The following ANKRD28 variants were observed in gnomAD, a reference collection of about 807,000 sequenced individuals.
ANKRD28 encodes ankyrin repeat domain 28, also known as serine/threonine-protein phosphatase 6 regulatory ankyrin repeat subunit A.
A neutral mutation model predicts 126.5 loss-of-function variants in ANKRD28; 44 were observed. The observed-to-expected ratio is 0.35, with a 90% CI of 0.27 to 0.45. The LOEUF (loss-of-function observed/expected upper bound fraction) is 0.45. ANKRD28 is among the 20% of genes least tolerant of loss of function. The pLI is 1.00. For synonymous variants in ANKRD28, 442 were observed against 468.5 expected (o/e 0.94, Z 0.73); for missense variants, 1,110 against 1,316.6 (o/e 0.84, Z 2.43).
chr3:15,821,955 C>T (rs1478097484), intron 1 of ANKRD28, among the ~76,000 whole-genome samples: 2 of 152,166 alleles, frequency 1.3e-5, no homozygotes, highest in Admixed American at 6.5e-5. Flanking sequence ...GCATATCTCT[C>T]TCATCTGTGT....
chr3:15,818,451 CT>C (rs2060878635), intron 1 of ANKRD28, among the ~76,000 whole-genome samples: 1 of 152,156 alleles, frequency 6.6e-6, no homozygotes, highest in East Asian at 1.9e-4. Context: ...CGTGTTTAGA[CT>C]TGGGTCCCAT....
Position 15,675,102 on chromosome 3 carries a change from T to G in ANKRD28, c.2965+796A>C, listed in dbSNP as rs1483516512. ...CTGGCCAATATGGTGAAACTCCGTC[T>G]CTACTAAAAATACAAAATTTAGCCA... is the stretch of plus-strand genomic sequence containing the variant. On this transcript the variant is annotated intron_variant, in intron 27 of 27. Coordinates refer to ENST00000683139, the MANE Select transcript of ANKRD28 (RefSeq NM_001349278.2). Among the ~76,000 whole-genome samples, 4 of 152,268 alleles carry G rather than the reference T, an allele frequency of 2.6e-5. No homozygotes were observed. In the East Asian group the frequency reaches 7.7e-4, roughly 29 times the overall value.
intron 2 of ANKRD28, among the ~76,000 whole-genome samples, chr3:15,770,401 T>A (rs1559502740): frequency 7.3e-6 from 1 of 136,918 alleles, no homozygotes; most frequent in African/African-American, 3.1e-5. Context: ...ATGTATTGAA[T>A]ACATATATAT....
chr3:15,832,787 ATTC>A (rs1488871023), intron 1 of ANKRD28, among the ~76,000 whole-genome samples: 1 of 152,188 alleles, frequency 6.6e-6, no homozygotes, highest in African/African-American at 2.4e-5. Flanking sequence ...ACATGATTTC[ATTC>A]TTTATACATA....
intron 14 of ANKRD28, among the ~76,000 whole-genome samples, chr3:15,701,974 A>G (rs2070698163): frequency 6.6e-6 from 1 of 152,168 alleles, no homozygotes; most frequent in African/African-American, 2.4e-5. Context: ...TCTAGATGTT[A>G]GTGATAAAAC....
In ANKRD28 at chr3:15,708,019, C is replaced by G. The variant is rs1559377431; in HGVS notation, c.1452G>C (p.Leu484=). The change falls in exon 14 of 28, where the codon CTG becomes CTC. Residue 484 remains leucine, a synonymous_variant. Coordinates refer to ENST00000683139, the MANE Select transcript of ANKRD28 (RefSeq NM_001349278.2). The part of the protein sequence containing the change: ...YAAANCNYQC[L]FALVGSGASV... ...TTGCTCCTGATCCCACAAGAGCAAA[C>G]AGGCACTGGTAATTGCAGTTGGCAG... 6.2e-7 allele frequency: 1 copy of G among 1,610,738 alleles called. No homozygotes were observed. Among genetic ancestry groups the G allele is most frequent in the South Asian group, 1.1e-5 (1 of 90,294 alleles).
At chr3:15,859,500 C>T in exon 1 of ANKRD28, 1 of 1,217,908 alleles carries the variant, frequency 8.2e-7, no homozygotes, top group Non-Finnish European at 1.1e-6. Flanking sequence ...TAGCCTTGGC[C>T]GCTGCCCGGG....
Position 15,721,046 on chromosome 3 carries a change from T to A in ANKRD28, c.865A>T (p.Ile289Leu), listed in dbSNP as rs763761780. The A allele has an allele frequency of 1.9e-6, 3 of 1,613,902 alleles. No individual in the cohort carries two copies. Among genetic ancestry groups the A allele is most frequent in the Non-Finnish European group, 2.5e-6 (3 of 1,179,826 alleles). The change falls in exon 8 of 28, where the codon ATA (isoleucine) becomes TTA (leucine). Residue 289 changes from isoleucine to leucine, a missense_variant. Coordinates refer to ENST00000683139, the MANE Select transcript of ANKRD28 (RefSeq NM_001349278.2). ...NGQDVVVNEL[I>L]DCGAIVNQKN... is the part of the protein sequence containing the mutation. ...TGATTCACAATAGCACCACAGTCTA[T>A]AAGTTCATTCACTACAACATCTTGT...
chr3:15,727,564 C>CAAAAAAAAA (rs59584114), intron 6 of ANKRD28, among the ~76,000 whole-genome samples: 20 of 65,946 alleles, frequency 3.0e-4, no homozygotes, highest in East Asian at 1.1e-3. Flanking sequence ...GAAACTCTGT[C>CAAAAAAAAA]AAAAAAAAAA....
rs77984964 is a variant in ANKRD28, at chr3:15,810,157, C to T, written c.28-14851G>A. 3.1e-3 allele frequency among the ~76,000 whole-genome samples: 473 copies of T among 152,000 alleles called. 4 individuals carry two copies. Among genetic ancestry groups the T allele is most frequent in the African/African-American group, 9.9e-3 (411 of 41,434 alleles). The stretch of plus-strand genomic sequence containing the variant: ...TACTGTGCATACAGTGTCAGGATGA[C>T]CTAAAAATAAGGTGATACTAAAGGC... On this transcript the variant is annotated intron_variant, in intron 1 of 27. Coordinates refer to the ANKRD28 transcript ENST00000399451.
rs578133396 is a variant in ANKRD28 at position 15,857,768 on chromosome 3, A to T, written c.27+1609T>A. On this transcript the variant is annotated intron_variant, in intron 1 of 27. Coordinates refer to the ANKRD28 transcript ENST00000399451. The stretch of plus-strand genomic sequence containing the variant: ...AAAACCTAATGGTGAATCAAATATG[A>T]GTCTCTCCTAAAAGTTCACCAAATT... Among the ~76,000 whole-genome samples, 3 of 152,382 alleles carry T rather than the reference A, an allele frequency of 2.0e-5. No homozygotes were observed. The East Asian group carries it at 5.8e-4, about 29-fold the overall frequency.
At chr3:15,693,036 G>T (rs1282955360) in intron 17 of ANKRD28, among the ~76,000 whole-genome samples, 1 of 152,124 alleles carries the variant, frequency 6.6e-6, no homozygotes, top group Admixed American at 6.5e-5. Context: ...ACTTAAATGA[G>T]GTGTCTAGAT....
At chr3:15,712,279 G>T in intron 10 of ANKRD28, 57 bp from the exon 11 acceptor site, 2 of 1,336,342 alleles carry the variant, frequency 1.5e-6, no homozygotes, top group Non-Finnish European at 2.1e-6. Context: ...AATACAATCA[G>T]TTAAATACAT....
intron 4 of ANKRD28, among the ~76,000 whole-genome samples, chr3:15,743,938 A>G (rs538990330): frequency 3.9e-5 from 6 of 152,354 alleles, no homozygotes; most frequent in Admixed American, 1.3e-4. Context: ...AGAATTTAGA[A>G]AACAGTCACT....
chr3:15,777,849 TAC>T (rs569761948), intron 2 of ANKRD28, among the ~76,000 whole-genome samples: 5,499 of 105,980 alleles, frequency 0.052, 108 homozygotes, highest in Middle Eastern at 0.071. Flanking sequence ...AAAACCAAAC[TAC>T]ACACACACAC....
At chr3:15,691,789 G>C (rs2068835839) in intron 17 of ANKRD28, among the ~76,000 whole-genome samples, 1 of 152,158 alleles carries the variant, frequency 6.6e-6, no homozygotes, top group Admixed American at 6.5e-5. Flanking sequence ...GCTACTGAAA[G>C]AATGAACTCT....
intron 3 of ANKRD28, among the ~76,000 whole-genome samples, chr3:15,753,514 CGGAA>C (rs2057985589): frequency 6.6e-6 from 1 of 152,164 alleles, no homozygotes; most frequent in Non-Finnish European, 1.5e-5. Context: ...CACAGTAGAA[CGGAA>C]AGCTCTGGCA....
chr3:15,856,837 A>G (rs2061779369), intron 1 of ANKRD28, among the ~76,000 whole-genome samples: 1 of 152,222 alleles, frequency 6.6e-6, no homozygotes, highest in African/African-American at 2.4e-5. Context: ...TATGTATTAA[A>G]CTGTAGTTTA....
intron 2 of ANKRD28, among the ~76,000 whole-genome samples, chr3:15,789,443 AAAAAG>A (rs200399481): frequency 0.019 from 2,764 of 145,406 alleles, 97 homozygotes; most frequent in African/African-American, 0.072. Flanking sequence ...TTTTTAAAAA[AAAAAG>A]AAAAGAAAAG....
Sources: allele counts gnomAD v4.1 joint callset (sites outside exome capture counted in the v4.1 genomes callset), GRCh38; gene constraint gnomAD v4.1.1; transcripts MANE v1.5; gene names NCBI Gene and HGNC (gene_info 2026-07-23, HGNC 2026-07-21).